The following RBFOX1 variants were observed in gnomAD, a reference collection of about 807,000 sequenced individuals.
RBFOX1 encodes RNA binding fox-1 homolog 1.
In RBFOX1, 8 loss-of-function variants were observed where a neutral mutation model predicts 57.7. That is an observed-to-expected ratio of 0.14 (90% CI 0.08 to 0.25). RBFOX1 has a LOEUF of 0.25. Among genes scored for constraint, RBFOX1 ranks in the 10% least tolerant of loss-of-function variants. RBFOX1 has a pLI of 1.00. For synonymous variants in RBFOX1, 326 were observed against 222.4 expected (o/e 1.47, Z -4.15); for missense variants, 611 against 548.5 (o/e 1.11, Z -1.14).
At chr16:6,109,140 G>A (rs958066104) in intron 1 of RBFOX1, among the ~76,000 whole-genome samples, 1 of 152,174 alleles carries the variant, frequency 6.6e-6, no homozygotes, top group Admixed American at 6.5e-5. Flanking sequence ...ACCACTGTCA[G>A]TATCAGTGGG....
chr16:6,112,597 A>T (rs145559412), intron 1 of RBFOX1, among the ~76,000 whole-genome samples: 1 of 152,196 alleles, frequency 6.6e-6, no homozygotes, highest in African/African-American at 2.4e-5. Context: ...AGGCTGAGGC[A>T]GGATAATCGT....
chr16:5,336,700 A>G (rs1027937735), intron 1 of RBFOX1, among the ~76,000 whole-genome samples: 1 of 152,118 alleles, frequency 6.6e-6, no homozygotes. Flanking sequence ...TGGTCCTTCT[A>G]CTGGGTTTAG....
At chr16:6,872,039 T>C (rs1359072216) in intron 3 of RBFOX1, among the ~76,000 whole-genome samples, 1 of 152,008 alleles carries the variant, frequency 6.6e-6, no homozygotes, top group Non-Finnish European at 1.5e-5. Context: ...TGTGTGTAGG[T>C]ATCGTTTCTG....
intron 3 of RBFOX1, among the ~76,000 whole-genome samples, chr16:5,761,790 T>A (rs185490721): frequency 6.6e-6 from 1 of 152,288 alleles, no homozygotes; most frequent in East Asian, 1.9e-4. Context: ...TAAGCTGAGA[T>A]GGCACATTCT....
At chr16:7,496,361 T>A (rs2068637734) in intron 4 of RBFOX1, among the ~76,000 whole-genome samples, 1 of 152,232 alleles carries the variant, frequency 6.6e-6, no homozygotes. Flanking sequence ...CAGGCTGGTC[T>A]TGAACTCTTG....
rs148372794 is a variant in RBFOX1, at chr16:7,381,745, C to T, written c.28-136402C>T. Among the ~76,000 whole-genome samples the T allele has an allele frequency of 7.4e-3, 1,120 of 152,244 alleles. 9 individuals carry two copies. Among genetic ancestry groups the T allele is most frequent in the Admixed American group, 0.012 (184 of 15,290 alleles). On this transcript the variant is annotated intron_variant, in intron 4 of 15. Coordinates refer to ENST00000550418, the MANE Select transcript of RBFOX1 (RefSeq NM_018723.4). ...GGGCACACTTTCCCTTAATGGTTGG[C>T]GTAGGCATTTGGATACTGAATTTAC...
At chr16:7,200,487 C>T (rs977347504) in intron 4 of RBFOX1, among the ~76,000 whole-genome samples, 2 of 152,188 alleles carry the variant, frequency 1.3e-5, no homozygotes, top group African/African-American at 2.4e-5. Flanking sequence ...GCAGTAGGCA[C>T]TAAGGATGAT....
chr16:5,430,251 C>T (rs911576919), intron 1 of RBFOX1, among the ~76,000 whole-genome samples: 2 of 152,070 alleles, frequency 1.3e-5, no homozygotes, highest in Admixed American at 6.5e-5. Context: ...GAAATGGCAG[C>T]AGGTGGTGGG....
chr16:6,431,077 G>A (rs2094068282), intron 2 of RBFOX1, among the ~76,000 whole-genome samples: 1 of 152,044 alleles, frequency 6.6e-6, no homozygotes, highest in Non-Finnish European at 1.5e-5. Flanking sequence ...GTTTGAGGAT[G>A]CAGTGAGCCA....
Position 7,516,102 on chromosome 16 carries a change from C to A in RBFOX1, c.28-2045C>A, listed in dbSNP as rs144604738. ...TCAAGTGATCCACCCACCTTGGCCT[C>A]CCAAAGTGCTGGAATTACAGGCATG... On this transcript the variant is annotated intron_variant, in intron 4 of 15. Coordinates refer to ENST00000550418, the MANE Select transcript of RBFOX1 (RefSeq NM_018723.4). Among the ~76,000 whole-genome samples the A allele has an allele frequency of 1.3e-3, 193 of 152,268 alleles. No individual in the cohort carries two copies. In the East Asian group the frequency reaches 0.035, roughly 27 times the overall value.
At chr16:6,131,400 T>G (rs554210158) in intron 1 of RBFOX1, among the ~76,000 whole-genome samples, 163 of 152,132 alleles carry the variant, frequency 1.1e-3, no homozygotes, top group African/African-American at 3.7e-3. Context: ...AGATAGAGAC[T>G]ATGGCAGAAA....
At chr16:5,445,269 A>G (rs1161439835) in intron 1 of RBFOX1, among the ~76,000 whole-genome samples, 1 of 152,178 alleles carries the variant, frequency 6.6e-6, no homozygotes, top group Non-Finnish European at 1.5e-5. Flanking sequence ...AGGACATGGT[A>G]TTTGATGAAG....
chr16:6,591,971 A>G (rs1009928068), intron 2 of RBFOX1, among the ~76,000 whole-genome samples: 1 of 152,226 alleles, frequency 6.6e-6, no homozygotes, highest in African/African-American at 2.4e-5. Flanking sequence ...ATGGGTGTCT[A>G]CTGTGGGCTG....
chr16:5,832,850 A>G lies in RBFOX1; in HGVS notation c.319-34453A>G, dbSNP rs181810629. Among the ~76,000 whole-genome samples, 308 of 152,286 alleles carry G rather than the reference A, an allele frequency of 2.0e-3. 4 individuals carry two copies. Among genetic ancestry groups the G allele is most frequent in the Middle Eastern group, 0.014 (4 of 294 alleles). On this transcript the variant is annotated intron_variant, in intron 3 of 19. Coordinates refer to the RBFOX1 transcript ENST00000641259. Reference sequence around the variant, plus strand: ...CCACAGGAGCAAAGAGTGTACATCTAGAGTTATTTGAAGGTTTGCTGCAAA... The same window carrying G: ...CCACAGGAGCAAAGAGTGTACATCTGGAGTTATTTGAAGGTTTGCTGCAAA...
chr16:5,420,978 C>CTT (rs2067307394), intron 1 of RBFOX1, among the ~76,000 whole-genome samples: 1 of 129,258 alleles, frequency 7.7e-6, no homozygotes, highest in African/African-American at 3.5e-5. Flanking sequence ...CCTCCTCCTT[C>CTT]TTCCCTTCCT....
intron 3 of RBFOX1, among the ~76,000 whole-genome samples, chr16:5,856,388 T>C (rs2057058432): frequency 7.3e-6 from 1 of 137,852 alleles, no homozygotes; most frequent in Non-Finnish European, 1.6e-5. Context: ...TGAGAACACA[T>C]AAGATCAACT....
chr16:5,655,938 G>T (rs1031414116), intron 3 of RBFOX1, among the ~76,000 whole-genome samples: 1 of 152,088 alleles, frequency 6.6e-6, no homozygotes, highest in African/African-American at 2.4e-5. Context: ...TAGATTGTGA[G>T]CTCTGAGGAA....
intron 3 of RBFOX1, among the ~76,000 whole-genome samples, chr16:6,929,537 T>C (rs2076168551): frequency 6.6e-6 from 1 of 152,084 alleles, no homozygotes. Context: ...GGCTTAAAAA[T>C]CCAGTTATGA....
intron 3 of RBFOX1, among the ~76,000 whole-genome samples, chr16:6,784,531 A>G (rs1485223980): frequency 6.6e-6 from 1 of 152,004 alleles, no homozygotes; most frequent in Non-Finnish European, 1.5e-5. Context: ...TGTTATCTCC[A>G]AGTTTGTTGA....
Sources: allele counts gnomAD v4.1 joint callset (sites outside exome capture counted in the v4.1 genomes callset), GRCh38; gene constraint gnomAD v4.1.1; transcripts MANE v1.5; gene names NCBI Gene and HGNC (gene_info 2026-07-23, HGNC 2026-07-21).